XDH: variants seen among roughly 807,000 people sequenced by gnomAD.
XDH encodes xanthine dehydrogenase, also known as xanthine dehydrogenase/oxidase.
In XDH, 138 loss-of-function variants were observed where a neutral mutation model predicts 156.1. The ratio of observed to expected loss-of-function variants is 0.88; its 90% CI spans 0.77 to 1.02. The LOEUF (loss-of-function observed/expected upper bound fraction) is 1.02. Among genes scored for constraint, XDH ranks in the 50% least tolerant of loss-of-function variants. The pLI, the probability that XDH is intolerant of heterozygous loss-of-function variation, is 0.00. For missense variants in XDH, 1,849 were observed against 1,684.9 expected (o/e 1.10, Z -1.71); for synonymous variants, 669 against 625.7 (o/e 1.07, Z -1.03).
At position 31,367,732 on chromosome 2, in the gene XDH, T is replaced by C. The variant is rs567927811; in HGVS notation, c.2197+229A>G. On this transcript the variant is annotated intron_variant, in intron 20 of 35. Coordinates refer to ENST00000379416, the MANE Select transcript of XDH (RefSeq NM_000379.4). ...TCTTCCGGATCAGAATACTCTAGAATCTCTCTAGAATCATTAGGTCCAGCC... is the reference window on the plus strand; with the variant it reads ...TCTTCCGGATCAGAATACTCTAGAACCTCTCTAGAATCATTAGGTCCAGCC... Among the ~76,000 whole-genome samples, 3 of 152,160 alleles carry C rather than the reference T, an allele frequency of 2.0e-5. No individual in the cohort carries two copies. The East Asian group carries it at 5.8e-4, about 29-fold the overall frequency.
rs376342473 is a variant in XDH, at chr2:31,337,650, G to A, written c.3942C>T (p.Phe1314=). ...EKIRNACVDK[F]TTLCVTGVPE... The stretch of plus-strand genomic sequence containing the variant: ...TTGAGGGGCATCATACCAGGGTGGT[G>A]AACTTGTCCACGCAGGCATTGCGGA... The change falls in exon 35 of 36, where the codon TTC becomes TTT. Residue 1314 remains phenylalanine (F), a synonymous_variant. Transcript: ENST00000379416. 1.6e-5 allele frequency: 26 copies of A among 1,613,964 alleles called. No homozygotes were observed. The highest frequency in any genetic ancestry group is 2.1e-5 in the Non-Finnish European group (25 of 1,180,052).
intron 13 of XDH, 100 bp from the exon 14 acceptor site, chr2:31,377,337 A>T: frequency 5.5e-6 from 7 of 1,272,056 alleles, no homozygotes; most frequent in Non-Finnish European, 8.0e-6. Context: ...TGAGGGGATA[A>T]CACCATCACA....
At chr2:31,371,627 G>A (rs1686073647) in intron 17 of XDH, among the ~76,000 whole-genome samples, 1 of 152,162 alleles carries the variant, frequency 6.6e-6, no homozygotes, top group Admixed American at 6.5e-5. Flanking sequence ...GGAACAAAAG[G>A]GAAAGAATGT....
Position 31,349,791 on chromosome 2 carries a change from T to C in XDH, c.2864A>G (p.His955Arg). Residue 955 changes from histidine to arginine, a missense_variant, in exon 26 of 36, where the codon CAC becomes CGC. Transcript: ENST00000379416. ...KNLYKEGDLT[H>R]FNQKLEGFTL... The stretch of plus-strand genomic sequence containing the variant: ...GAAACCCTCAAGCTTCTGGTTGAAG[T>C]GTGTCAGGTCCCCTTCTTTGTACAG... The C allele has an allele frequency of 1.2e-6, 2 of 1,614,156 alleles. No homozygotes were observed. Among genetic ancestry groups the C allele is most frequent in the Non-Finnish European group, 1.7e-6 (2 of 1,180,032 alleles).
intron 5 of XDH, among the ~76,000 whole-genome samples, chr2:31,398,181 A>AG (rs1222001379): frequency 6.6e-6 from 1 of 152,230 alleles, no homozygotes; most frequent in African/African-American, 2.4e-5. Flanking sequence ...AAGCAGACAC[A>AG]TTGGTGGTCT....
chr2:31,349,652 G>A (rs1245074964), intron 26 of XDH, 34 bp downstream of exon 26: 1 of 1,613,076 alleles, frequency 6.2e-7, no homozygotes, highest in African/African-American at 1.3e-5. Flanking sequence ...ATGAAACCCA[G>A]AAGAGCAACT....
intron 1 of XDH, among the ~76,000 whole-genome samples, chr2:31,408,534 T>A (rs1212008444): frequency 6.6e-6 from 1 of 152,316 alleles, no homozygotes; most frequent in South Asian, 2.1e-4. Context: ...TGGGCTATAA[T>A]ACATTAAATA....
chr2:31,401,284 T>C lies in XDH; in HGVS notation c.242A>G (p.His81Arg). 2 of 1,614,150 alleles carry C rather than the reference T, an allele frequency of 1.2e-6. No homozygotes were observed. The highest frequency in any genetic ancestry group is 1.7e-6 in the Non-Finnish European group (2 of 1,180,018). ...NACLAPICSL[H>R]HVAVTTVEGI... ...TTCCACAGTTGTCACTGCAACATGG[T>C]GCAAGGAGCAGATGGGGGCCAGGCA... The change falls in exon 4 of 36, where the codon CAC (histidine) becomes CGC (arginine). Residue 81 changes from histidine to arginine, a missense_variant. By Grantham distance (29) the His-to-Arg change is conservative. Transcript: ENST00000379416.
chr2:31,388,076 C>G, intron 7 of XDH, 151 bp downstream of exon 7: 1 of 1,056,856 alleles, frequency 9.5e-7, no homozygotes, highest in Non-Finnish European at 1.4e-6. Context: ...CCGGGGCTAA[C>G]GTGCACCATC....
chr2:31,412,243 T>C (rs1217365221), intron 1 of XDH, among the ~76,000 whole-genome samples: 1 of 152,172 alleles, frequency 6.6e-6, no homozygotes, highest in African/African-American at 2.4e-5. Flanking sequence ...ATGAAAACAA[T>C]AGTCATCAAG....
At position 31,349,666 on chromosome 2, in the gene XDH, C is replaced by G; in HGVS notation, c.2969+20G>C. 1 of 1,614,120 alleles carries G rather than the reference C, an allele frequency of 6.2e-7. No homozygotes were observed. The highest frequency in any genetic ancestry group is 8.5e-7 in the Non-Finnish European group (1 of 1,180,014). The stretch of plus-strand genomic sequence containing the variant: ...TATGAAACCCAGAAGAGCAACTGGA[C>G]TTCTACTCCTAGTGCTTACTTGTTG... On this transcript the variant is annotated intron_variant, in intron 26 of 35. Transcript: ENST00000379416.
At chr2:31,405,714 A>G (rs1287344986) in intron 2 of XDH, among the ~76,000 whole-genome samples, 193 bp downstream of exon 2, 1 of 152,130 alleles carries the variant, frequency 6.6e-6, no homozygotes, top group Admixed American at 6.5e-5. Context: ...ACCACAAACA[A>G]TCCTCTCATT....
chr2:31,370,630 T>G lies in XDH; in HGVS notation c.1857-152A>C, dbSNP rs1686046546. The G allele has an allele frequency of 1.4e-5, 15 of 1,090,112 alleles. No individual in the cohort carries two copies. In the South Asian group the frequency reaches 2.0e-4, roughly 15 times the overall value. 67.5% of individuals were successfully genotyped at this position (1,090,112 alleles called of 1,614,324 possible). ...CTTTTCTATTAGATTCTAATTCAAT[T>G]ATATCCTATTCTGCAAATGTTGATT... is the stretch of plus-strand genomic sequence containing the variant. On this transcript the variant is annotated intron_variant, in intron 17 of 35. Transcript: ENST00000379416.
intron 30 of XDH, among the ~76,000 whole-genome samples, chr2:31,346,229 G>T (rs927731569): frequency 6.6e-6 from 1 of 152,244 alleles, no homozygotes; most frequent in South Asian, 2.1e-4. Flanking sequence ...TGACATTCAG[G>T]CCACTGGTCT....
chr2:31,339,400 C>T, intron 34 of XDH, 89 bp downstream of exon 34: 4 of 1,559,052 alleles, frequency 2.6e-6, no homozygotes, highest in Non-Finnish European at 3.5e-6. Context: ...TGAAGTCCCA[C>T]CAGGTGGGTC....
At chr2:31,384,200 C>G (rs1686521493) in intron 9 of XDH, 1 of 296,078 alleles carries the variant, frequency 3.4e-6, no homozygotes, top group African/African-American at 2.2e-5. Context: ...TGTCAGGAAC[C>G]CTTCTAAGCA....
intron 16 of XDH, among the ~76,000 whole-genome samples, chr2:31,373,256 A>C (rs1686126780): frequency 6.6e-6 from 1 of 152,244 alleles, no homozygotes; most frequent in Non-Finnish European, 1.5e-5. Context: ...CAGGTTCCAG[A>C]GTTCATGCCT....
rs777141787 is a variant in XDH at position 31,368,590 on chromosome 2, T to G, written c.2051A>C (p.Gln684Pro). ...TTCTTCATAGGTGATTTTCACCCCT[T>G]GGGCAGCTCTCTGTGTGTGTTCCGG... Reference protein sequence around the residue: ...DTPEHTQRAAQGVKITYEELP... With the variant: ...DTPEHTQRAAPGVKITYEELP... Residue 684 changes from glutamine to proline, a missense_variant, in exon 19 of 36, where the codon CAA becomes CCA. By Grantham distance (76) the Gln-to-Pro change is moderately conservative. Coordinates refer to ENST00000379416, the MANE Select transcript of XDH (RefSeq NM_000379.4). 6.2e-7 allele frequency: 1 copy of G among 1,614,212 alleles called. No homozygotes were observed. Among genetic ancestry groups the G allele is most frequent in the African/African-American group, 1.3e-5 (1 of 75,060 alleles).
intron 31 of XDH, among the ~76,000 whole-genome samples, chr2:31,343,284 CCA>C (rs1685173058): frequency 5.4e-5 from 2 of 36,786 alleles, no homozygotes; most frequent in Admixed American, 3.4e-4. Context: ...CATTTCTTCA[CCA>C]TATATATATA....
Sources: gnomAD v4.1 joint callset for allele counts (sites outside exome capture counted in the v4.1 genomes callset) on GRCh38, gnomAD v4.1.1 for gene constraint, MANE v1.5 for transcripts, NCBI Gene and HGNC (gene_info 2026-07-23, HGNC 2026-07-21) for gene names.